Variants in MFHAS1 observed in about 807,000 individuals in gnomAD.
MFHAS1 encodes malignant fibrous histiocytoma-amplified sequence 1.
Under a neutral mutation model 70.4 loss-of-function variants are expected in MFHAS1, and 50 were observed. The observed-to-expected ratio is 0.71, with a 90% CI of 0.57 to 0.90. MFHAS1 has a LOEUF of 0.90. Ranked by LOEUF, MFHAS1 falls within the 40% of genes least tolerant of loss-of-function variation. MFHAS1 has a pLI of 0.00. For synonymous variants in MFHAS1, 952 were observed against 620.0 expected, an observed-to-expected ratio of 1.54 and a Z score of -7.96; for missense variants, 1,795 against 1,347.6, an observed-to-expected ratio of 1.33 and a Z score of -5.20.
At chr8:8,878,694 G>C (rs1163950588) in intron 1 of MFHAS1, among the ~76,000 whole-genome samples, 1 of 151,804 alleles carries the variant, frequency 6.6e-6, no homozygotes, top group Admixed American at 6.6e-5. Context: ...GAAAAAAGGA[G>C]GGAAGGACAG....
intron 1 of MFHAS1, among the ~76,000 whole-genome samples, chr8:8,856,904 G>C (rs555888140): frequency 2.7e-4 from 35 of 129,792 alleles, no homozygotes; most frequent in African/African-American, 9.2e-4. Context: ...GGATTCTCTA[G>C]ATCAGAAAGA....
intron 1 of MFHAS1, among the ~76,000 whole-genome samples, chr8:8,837,789 G>A (rs538975929): frequency 2.6e-4 from 40 of 152,158 alleles, no homozygotes; most frequent in Non-Finnish European, 4.4e-4. Context: ...TGTTAGCTAG[G>A]ATGTGGAGAA....
intron 2 of MFHAS1, among the ~76,000 whole-genome samples, chr8:8,794,765 T>C (rs1354124394): frequency 6.6e-6 from 1 of 152,212 alleles, no homozygotes; most frequent in East Asian, 1.9e-4. Context: ...AAAATGATTC[T>C]GATAGCTAGG....
At chr8:8,843,579 T>A (rs1807921078) in intron 1 of MFHAS1, among the ~76,000 whole-genome samples, 1 of 152,162 alleles carries the variant, frequency 6.6e-6, no homozygotes, top group Non-Finnish European at 1.5e-5. Context: ...GGACTCCGTT[T>A]CAAAAATAAA....
intron 1 of MFHAS1, among the ~76,000 whole-genome samples, chr8:8,888,763 C>T (rs1185827054): frequency 6.6e-6 from 1 of 152,104 alleles, no homozygotes; most frequent in Non-Finnish European, 1.5e-5. Flanking sequence ...CTGTATGATA[C>T]TATAATGGGG....
In MFHAS1 at chr8:8,891,848, G is replaced by T. The variant is rs757496547; in HGVS notation, c.1211C>A (p.Pro404Gln). ...CAGCTTGAGCCGGGGCTGCACCGCC[G>T]GCTGGGAATGAGCCAGTTCCTTCTG... ...AYQKELAHSQ[P>Q]AVQPRLKLLL... The change falls in exon 1 of 3, where the codon CCG (proline) becomes CAG (glutamine). Residue 404 changes from proline (P) to glutamine (Q), a missense_variant. Pro to Gln is a moderately conservative substitution (Grantham distance 76). Coordinates refer to ENST00000276282, the MANE Select transcript of MFHAS1 (RefSeq NM_004225.3). The surrounding 1 kb of genome is among the most constrained non-coding windows in gnomAD (Gnocchi z 5.4). 2.6e-5 allele frequency: 42 copies of T among 1,612,714 alleles called. No homozygotes were observed. Among genetic ancestry groups the T allele is most frequent in the African/African-American group, 4.0e-5 (3 of 74,916 alleles).
intron 1 of MFHAS1, among the ~76,000 whole-genome samples, chr8:8,857,515 T>C (rs922816014): frequency 6.6e-6 from 1 of 152,090 alleles, no homozygotes; most frequent in African/African-American, 2.4e-5. Context: ...TCCCAGCACT[T>C]TGGGAGTCCC....
chr8:8,796,150 G>A (rs1251573490), intron 2 of MFHAS1, among the ~76,000 whole-genome samples: 1 of 152,122 alleles, frequency 6.6e-6, no homozygotes, highest in Non-Finnish European at 1.5e-5. Flanking sequence ...GTGTTATCTA[G>A]AATAGTAGTA....
intron 1 of MFHAS1, chr8:8,821,681 C>T (rs555702596): frequency 6.6e-6 from 1 of 152,336 alleles, no homozygotes; most frequent in East Asian, 1.9e-4. Flanking sequence ...CCTCTGCCTC[C>T]AAGCATGCAA....
intron 1 of MFHAS1, among the ~76,000 whole-genome samples, chr8:8,832,786 T>C (rs1390005364): frequency 1.3e-5 from 2 of 152,114 alleles, no homozygotes; most frequent in Admixed American, 6.6e-5. Context: ...ATGCCATTAC[T>C]ACATGCTAAG....
chr8:8,849,064 CTTTTTTTTTTTT>C (rs145250762), intron 1 of MFHAS1, among the ~76,000 whole-genome samples: 28 of 75,806 alleles, frequency 3.7e-4, no homozygotes, highest in African/African-American at 5.3e-4. Context: ...TCCTTTTTAC[CTTTTTTTTTTTT>C]TTTTTTTTTT....
intron 1 of MFHAS1, among the ~76,000 whole-genome samples, 189 bp from the exon 2 acceptor site, chr8:8,797,680 C>G (rs546170311): frequency 6.3e-4 from 96 of 152,312 alleles, no homozygotes; most frequent in African/African-American, 2.2e-3. Context: ...CGCCTAAATC[C>G]TCCTCTGCGT....
rs73525737 is a variant in MFHAS1, at chr8:8,850,773, G to A, written c.2998+39288C>T. On this transcript the variant is annotated intron_variant, in intron 1 of 2. Transcript: ENST00000276282. ...CCAGGAGGCGAAGGTTACAGTGAGT[G>A]GCGATCGTGCCTGGGCAACAGGAGT... Among the ~76,000 whole-genome samples the A allele has an allele frequency of 5.4e-3, 805 of 149,074 alleles. 10 individuals carry two copies. The highest frequency in any genetic ancestry group is 0.019 in the African/African-American group (751 of 40,098).
intron 2 of MFHAS1, among the ~76,000 whole-genome samples, chr8:8,787,262 A>G (rs940702398): frequency 3.3e-5 from 5 of 152,010 alleles, no homozygotes; most frequent in Admixed American, 6.6e-5. Context: ...TTGCATTTTT[A>G]GTAGAGATGG....
At chr8:8,858,129 A>T (rs1164754788) in intron 1 of MFHAS1, among the ~76,000 whole-genome samples, 2 of 152,198 alleles carry the variant, frequency 1.3e-5, no homozygotes, top group Non-Finnish European at 2.9e-5. Flanking sequence ...ATCTGAACAG[A>T]AATTGGGACG....
chr8:8,883,061 G>A (rs1410794889), intron 1 of MFHAS1, among the ~76,000 whole-genome samples: 4 of 152,154 alleles, frequency 2.6e-5, no homozygotes, highest in Non-Finnish European at 5.9e-5. Context: ...GCTGGAGCAG[G>A]AGGATCACTT....
chr8:8,824,541 A>T (rs200293770), intron 1 of MFHAS1, among the ~76,000 whole-genome samples: 4 of 51,430 alleles, frequency 7.8e-5, no homozygotes, highest in Non-Finnish European at 1.0e-4. Context: ...ACACACACAC[A>T]CACACACACA....
chr8:8,856,321 G>A (rs538425443), intron 1 of MFHAS1, among the ~76,000 whole-genome samples: 1 of 152,212 alleles, frequency 6.6e-6, no homozygotes, highest in East Asian at 1.9e-4. Context: ...TGGCACTGGG[G>A]CAAGCATGAC....
intron 1 of MFHAS1, among the ~76,000 whole-genome samples, chr8:8,844,252 G>T (rs1255801540): frequency 6.6e-6 from 1 of 152,114 alleles, no homozygotes; most frequent in Non-Finnish European, 1.5e-5. Context: ...CCTAAAAACT[G>T]TATGATTCTA....
Sources: gnomAD v4.1 joint callset for allele counts (sites outside exome capture counted in the v4.1 genomes callset) on GRCh38, gnomAD v4.1.1 for gene constraint, Gnocchi (gnomAD v3.1) non-coding constraint, MANE v1.5 for transcripts, NCBI Gene and HGNC (gene_info 2026-07-23, HGNC 2026-07-21) for gene names.